Variants in IWS1 observed in about 807,000 individuals in gnomAD.
The protein encoded by IWS1 is protein IWS1 homolog.
A neutral mutation model predicts 86.7 loss-of-function variants in IWS1; 27 were observed. That is an observed-to-expected ratio of 0.31 (90% CI 0.23 to 0.43). The LOEUF is 0.43. Among genes scored for constraint, IWS1 ranks in the 20% least tolerant of loss-of-function variants. The pLI is 1.00. For synonymous variants in IWS1, 313 were observed against 335.1 expected (o/e 0.93, Z 0.72); for missense variants, 827 against 1,000.8 (o/e 0.83, Z 2.34).
chr2:127,513,797 C>T (rs1432400503), intron 2 of IWS1, among the ~76,000 whole-genome samples: 2 of 152,192 alleles, frequency 1.3e-5, no homozygotes, highest in African/African-American at 4.8e-5. Context: ...AGATCACCAT[C>T]ATTTACATTT....
rs866036002 is a variant in IWS1, at chr2:127,493,850, A to C, written c.1800-440T>G. ...CACTGGCAGGACAAAAAAAAAAAAAAAAAACTCAATAAAATAATACTTAAA... is the reference window on the plus strand; with the variant it reads ...CACTGGCAGGACAAAAAAAAAAAAACAAAACTCAATAAAATAATACTTAAA... On this transcript the variant is annotated intron_variant, in intron 8 of 13. Coordinates refer to ENST00000295321, the MANE Select transcript of IWS1 (RefSeq NM_017969.3). 5.8e-3 allele frequency among the ~76,000 whole-genome samples: 888 copies of C among 152,162 alleles called. 12 individuals carry two copies. The highest frequency in any genetic ancestry group is 0.021 in the African/African-American group (853 of 41,496).
chr2:127,500,732 A>C (rs1690755919), intron 5 of IWS1, among the ~76,000 whole-genome samples: 1 of 152,192 alleles, frequency 6.6e-6, no homozygotes, highest in South Asian at 2.1e-4. Context: ...ATATTATCAA[A>C]ATTTAAATCT....
Position 127,489,473 on chromosome 2 carries a change from G to T in IWS1, c.2160-238C>A, listed in dbSNP as rs913364549. On this transcript the variant is annotated intron_variant, in intron 11 of 13. Coordinates refer to ENST00000295321, the MANE Select transcript of IWS1 (RefSeq NM_017969.3). The surrounding 1 kb of genome is among the most constrained non-coding windows in gnomAD (Gnocchi z 4.8). ...TGTAACTAATGACCCTGTCCTCCTG[G>T]ATGCAACTGTATCCACTATTATCAA... The T allele has an allele frequency of 5.5e-6, 3 of 543,310 alleles. No homozygotes were observed. In the East Asian group the frequency reaches 9.2e-5, roughly 17 times the overall value. 33.7% of individuals were successfully genotyped at this position (543,310 alleles called of 1,614,324 possible). A position where few individuals can be genotyped will look rare whatever the true frequency, so the allele number is the denominator to read the frequency against.
chr2:127,506,476 G>C (rs1363987622), intron 2 of IWS1, among the ~76,000 whole-genome samples: 1 of 152,136 alleles, frequency 6.6e-6, no homozygotes, highest in Non-Finnish European at 1.5e-5. Context: ...ATAAGGTTAA[G>C]ATTATTTAAG....
rs1690126535 is a variant in IWS1 at position 127,489,798 on chromosome 2, T to C, written c.2159+34A>G. On this transcript the variant is annotated intron_variant, in intron 11 of 13. Coordinates refer to ENST00000295321, the MANE Select transcript of IWS1 (RefSeq NM_017969.3). The surrounding 1 kb of genome is among the most constrained non-coding windows in gnomAD (Gnocchi z 4.8). The stretch of plus-strand genomic sequence containing the variant: ...AAACTGAGTTACTGCAACAATAACG[T>C]GTATTCCACTTACTCATACCTGTTC... 2 of 1,123,240 alleles carry C rather than the reference T, an allele frequency of 1.8e-6. No homozygotes were observed. Among genetic ancestry groups the C allele is most frequent in the Admixed American group, 1.7e-5 (1 of 58,406 alleles). The allele number at this position is 1,123,240 out of a possible 1,614,324, so 69.6% of individuals were successfully genotyped here.
intron 8 of IWS1, among the ~76,000 whole-genome samples, 190 bp from the exon 9 acceptor site, chr2:127,493,600 A>G (rs1050423552): frequency 6.6e-6 from 1 of 152,232 alleles, no homozygotes; most frequent in African/African-American, 2.4e-5. Flanking sequence ...CCAGAAATGC[A>G]TATACTTGAC....
intron 13 of IWS1, among the ~76,000 whole-genome samples, chr2:127,483,407 G>A (rs1689738003): frequency 6.6e-6 from 1 of 151,846 alleles, no homozygotes; most frequent in Non-Finnish European, 1.5e-5. Context: ...AGGATCGCTT[G>A]AGACCAGCCT....
chr2:127,518,854 G>A (rs568882370), intron 2 of IWS1, among the ~76,000 whole-genome samples: 4 of 152,120 alleles, frequency 2.6e-5, no homozygotes, highest in Non-Finnish European at 4.4e-5. Flanking sequence ...ACAGGCGTCA[G>A]TCACCGCACC....
chr2:127,514,695 C>G (rs144145967), intron 2 of IWS1: 1 of 152,374 alleles, frequency 6.6e-6, no homozygotes, highest in African/African-American at 2.4e-5. Flanking sequence ...CAGCCTCACA[C>G]GGAGCCAGCG....
At chr2:127,487,930 T>G (rs1690015571) in intron 12 of IWS1, 1 of 152,358 alleles carries the variant, frequency 6.6e-6, no homozygotes, top group South Asian at 2.1e-4. Flanking sequence ...ACTCTTACTT[T>G]CCTTCTGAAG....
chr2:127,505,091 G>T lies in IWS1; in HGVS notation c.812C>A (p.Pro271His). 3 of 1,610,366 alleles carry T rather than the reference G, an allele frequency of 1.9e-6. No individual in the cohort carries two copies. Among genetic ancestry groups the T allele is most frequent in the South Asian group, 1.1e-5 (1 of 90,770 alleles). The change falls in exon 3 of 14, where the codon CCC (proline) becomes CAC (histidine). Residue 271 changes from proline to histidine, a missense_variant. This residue lies in a region of IWS1 where 548 missense variants were observed against 560.2 expected (regional missense o/e 0.98). Coordinates refer to ENST00000295321, the MANE Select transcript of IWS1 (RefSeq NM_017969.3). This position sits in a 1 kb window ranked among gnomAD's most constrained non-coding sequence, Gnocchi z 5.0. ...SDSENEELPK[P>H]RISDSESEDP... is the part of the protein sequence containing the mutation. ...CTCACTTTCCGAATCACTGATTCGG[G>T]GTTTGGGAAGCTCTTCATTTTCTGA...
intron 12 of IWS1, among the ~76,000 whole-genome samples, chr2:127,488,949 G>A (rs1690072262): frequency 6.6e-6 from 1 of 152,160 alleles, no homozygotes; most frequent in East Asian, 1.9e-4. Context: ...ACAACAAGGA[G>A]TCTAGCACTT....
chr2:127,513,800 T>C (rs1691607006), intron 2 of IWS1, among the ~76,000 whole-genome samples: 1 of 152,228 alleles, frequency 6.6e-6, no homozygotes, highest in South Asian at 2.1e-4. Context: ...TCACCATCAT[T>C]TACATTTTAG....
chr2:127,483,640 G>A (rs1448993750), intron 13 of IWS1, among the ~76,000 whole-genome samples: 3 of 108,960 alleles, frequency 2.8e-5, no homozygotes, highest in Non-Finnish European at 6.8e-5. Context: ...GCGTGTGTGT[G>A]TGTGTGTGTT....
chr2:127,523,455 C>T (rs1193626994), intron 2 of IWS1, among the ~76,000 whole-genome samples: 1 of 152,174 alleles, frequency 6.6e-6, no homozygotes, highest in African/African-American at 2.4e-5. Flanking sequence ...AACTGCCTAA[C>T]ATTTGAAATG....
At chr2:127,497,097 T>G (rs1304583948) in intron 6 of IWS1, among the ~76,000 whole-genome samples, 1 of 120,482 alleles carries the variant, frequency 8.3e-6, no homozygotes, top group African/African-American at 2.6e-5. Context: ...GACACATTTT[T>G]CAGAATATAT....
At chr2:127,502,009 T>C (rs1690848221) in intron 5 of IWS1, among the ~76,000 whole-genome samples, 1 of 152,216 alleles carries the variant, frequency 6.6e-6, no homozygotes, top group Admixed American at 6.5e-5. Flanking sequence ...AAAATTCCTA[T>C]ATCTAGAGCC....
At chr2:127,498,331 A>G (rs1690620298) in intron 5 of IWS1, 94 bp from the exon 6 acceptor site, 2 of 1,224,540 alleles carry the variant, frequency 1.6e-6, no homozygotes. Context: ...ATTCACAAAG[A>G]ACAAAAATTC....
At chr2:127,511,168 T>C (rs1364637338) in intron 2 of IWS1, 3 of 152,192 alleles carry the variant, frequency 2.0e-5, no homozygotes, top group Non-Finnish European at 4.4e-5. Context: ...TCTTTCTCCC[T>C]AGGTAGAATG....
Sources: gnomAD v4.1 joint callset for allele counts (sites outside exome capture counted in the v4.1 genomes callset) on GRCh38, gnomAD v4.1.1 for gene constraint, gnomAD v4.1.1 regional missense constraint, Gnocchi (gnomAD v3.1) non-coding constraint, MANE v1.5 for transcripts, NCBI Gene and HGNC (gene_info 2026-07-23, HGNC 2026-07-21) for gene names.